CALN1: variants seen among roughly 807,000 people sequenced by gnomAD.
CALN1 encodes the protein calcium-binding protein 8.
A neutral mutation model predicts 30.6 loss-of-function variants in CALN1; 17 were observed. The observed-to-expected ratio is 0.56, with a 90% CI of 0.38 to 0.83. The LOEUF (loss-of-function observed/expected upper bound fraction) is 0.83. Ranked by LOEUF, CALN1 falls within the 40% of genes least tolerant of loss-of-function variation. The probability of loss-of-function intolerance (pLI) is 0.00; values close to 1 mark genes in which losing one functional copy is unlikely to be tolerated. For missense variants in CALN1, 291 were observed against 354.9 expected (o/e 0.82, Z 1.45); for synonymous variants, 156 against 131.4 (o/e 1.19, Z -1.28).
intron 4 of CALN1, chr7:72,103,413 G>C (rs557797490): frequency 6.5e-6 from 1 of 153,160 alleles, no homozygotes; most frequent in Non-Finnish European, 1.5e-5. Context: ...GGCATATGAA[G>C]GGGCGTAGTA....
At chr7:72,344,028 T>A (rs900704219) in intron 2 of CALN1, among the ~76,000 whole-genome samples, 5 of 152,168 alleles carry the variant, frequency 3.3e-5, no homozygotes, top group African/African-American at 1.2e-4. Flanking sequence ...TATTTTTTTT[T>A]ATTTTTTAAT....
chr7:71,978,187 G>A (rs190998661), intron 5 of CALN1, among the ~76,000 whole-genome samples: 6 of 149,500 alleles, frequency 4.0e-5, no homozygotes, highest in East Asian at 2.0e-4. Flanking sequence ...CCTAAGGATC[G>A]TCCAACCAGA....
In CALN1 at chr7:72,407,091, C is replaced by G. The variant is rs114354901; in HGVS notation, c.-73-3649G>C. Among the ~76,000 whole-genome samples the G allele has an allele frequency of 3.6e-3, 546 of 152,282 alleles. 6 individuals are homozygous for G. Among genetic ancestry groups the G allele is most frequent in the African/African-American group, 0.012 (515 of 41,556 alleles). ...TTTGAGTACTCTATCACCTGCATCACTTTTACCAACCCACAATATGCAGAG... is the reference window on the plus strand; with the variant it reads ...TTTGAGTACTCTATCACCTGCATCAGTTTTACCAACCCACAATATGCAGAG... On this transcript the variant is annotated intron_variant, in intron 1 of 6. Coordinates refer to ENST00000395275, the MANE Select transcript of CALN1 (RefSeq NM_031468.4).
chr7:71,836,906 C>G (rs886093974), intron 5 of CALN1, among the ~76,000 whole-genome samples: 4 of 150,934 alleles, frequency 2.7e-5, no homozygotes, highest in African/African-American at 9.7e-5. Flanking sequence ...GCGTGAGCCA[C>G]CAGTGCCCAG....
intron 5 of CALN1, among the ~76,000 whole-genome samples, chr7:71,928,964 C>A (rs563337322): frequency 3.2e-4 from 48 of 152,094 alleles, no homozygotes; most frequent in Middle Eastern, 6.8e-3. Flanking sequence ...CTACCAGGGA[C>A]CCACTTCCCT....
chr7:71,973,110 T>C (rs1025786026), intron 5 of CALN1, among the ~76,000 whole-genome samples: 2 of 151,880 alleles, frequency 1.3e-5, no homozygotes, highest in African/African-American at 4.8e-5. Context: ...CTCTCTATTT[T>C]TGAAAAAATA....
At chr7:72,258,829 G>A (rs1796093088) in intron 3 of CALN1, among the ~76,000 whole-genome samples, 2 of 151,020 alleles carry the variant, frequency 1.3e-5, no homozygotes, top group South Asian at 2.1e-4. Context: ...GAGACGGGCA[G>A]ATCACCCAAG....
At chr7:71,948,621 C>A (rs910875807) in intron 5 of CALN1, among the ~76,000 whole-genome samples, 1 of 151,276 alleles carries the variant, frequency 6.6e-6, no homozygotes, top group East Asian at 1.9e-4. Context: ...ATCCTAGCTA[C>A]TTGGGAGGCT....
chr7:71,877,616 GAGAA>G (rs1792323520), intron 5 of CALN1, among the ~76,000 whole-genome samples: 1 of 150,968 alleles, frequency 6.6e-6, no homozygotes, highest in Non-Finnish European at 1.5e-5. Flanking sequence ...TACATTTGGC[GAGAA>G]AGTCAGAAGA....
intron 3 of CALN1, among the ~76,000 whole-genome samples, chr7:72,213,375 T>G (rs1369219271): frequency 6.6e-6 from 1 of 152,042 alleles, no homozygotes; most frequent in Non-Finnish European, 1.5e-5. Flanking sequence ...AGGCAAAACT[T>G]TATGGGTCAG....
chr7:72,347,586 G>A (rs796110155), intron 2 of CALN1, among the ~76,000 whole-genome samples: 14 of 152,188 alleles, frequency 9.2e-5, no homozygotes, highest in African/African-American at 3.4e-4. Context: ...AATAAAAGCA[G>A]CCAGGCCCCC....
chr7:72,076,809 G>T (rs1804776748), intron 4 of CALN1, among the ~76,000 whole-genome samples: 1 of 151,940 alleles, frequency 6.6e-6, no homozygotes, highest in South Asian at 2.1e-4. Context: ...CTTTGAGAAG[G>T]TTACTGGATT....
At chr7:72,007,681 T>G (rs1799851396) in intron 5 of CALN1, among the ~76,000 whole-genome samples, 1 of 152,212 alleles carries the variant, frequency 6.6e-6, no homozygotes, top group African/African-American at 2.4e-5. Context: ...AGAGCCTTGT[T>G]TATTGATCAC....
chr7:72,417,193 G>A (rs778096330), upstream of CALN1, among the ~76,000 whole-genome samples: 5 of 152,170 alleles, frequency 3.3e-5, no homozygotes, highest in Admixed American at 6.5e-5. Context: ...TGGTGCCCTC[G>A]CCTCCCGAGG....
chr7:72,388,450 A>T (rs7807766), intron 2 of CALN1, among the ~76,000 whole-genome samples: 76,798 of 151,914 alleles, frequency 0.51, 19,753 homozygotes, highest in East Asian at 0.72. Context: ...TACAAACCCG[A>T]GGAAATCTGC....
At chr7:72,193,729 T>C (rs1562716639) in intron 3 of CALN1, among the ~76,000 whole-genome samples, 1 of 152,168 alleles carries the variant, frequency 6.6e-6, no homozygotes, top group African/African-American at 2.4e-5. Context: ...TCAGTAAAAA[T>C]ATTCTATCAG....
At chr7:71,899,438 C>T (rs563794368) in intron 5 of CALN1, among the ~76,000 whole-genome samples, 43 of 152,182 alleles carry the variant, frequency 2.8e-4, no homozygotes, top group South Asian at 6.2e-4. Context: ...CCACCACGCC[C>T]GGCTGAGACA....
At chr7:72,384,579 T>C (rs1027874162) in intron 2 of CALN1, among the ~76,000 whole-genome samples, 1 of 151,926 alleles carries the variant, frequency 6.6e-6, no homozygotes, top group South Asian at 2.1e-4. Context: ...AGCTGCAGTA[T>C]GCTATGTTGC....
chr7:72,047,778 A>G (rs745439104), intron 4 of CALN1, among the ~76,000 whole-genome samples: 10 of 152,178 alleles, frequency 6.6e-5, no homozygotes, highest in Non-Finnish European at 1.5e-4. Context: ...CCTTGGGGAT[A>G]CTGCAGTGAA....
Sources: allele counts gnomAD v4.1 joint callset (sites outside exome capture counted in the v4.1 genomes callset), GRCh38; gene constraint gnomAD v4.1.1; transcripts MANE v1.5; gene names NCBI Gene and HGNC (gene_info 2026-07-23, HGNC 2026-07-21).